KNDC1: variants seen among roughly 807,000 people sequenced by gnomAD.
KNDC1 encodes the protein kinase non-catalytic C-lobe domain-containing protein 1.
In KNDC1, 106 loss-of-function variants were observed where a neutral mutation model predicts 172.8. The ratio of observed to expected loss-of-function variants is 0.61; its 90% CI spans 0.52 to 0.72. KNDC1 has a LOEUF of 0.72. Among genes scored for constraint, KNDC1 ranks in the 30% least tolerant of loss-of-function variants. KNDC1 has a pLI of 0.00. For synonymous variants in KNDC1, 1,083 were observed against 1,062.2 expected, an observed-to-expected ratio of 1.02 and a Z score of -0.38; for missense variants, 2,325 against 2,394.5, an observed-to-expected ratio of 0.97 and a Z score of 0.61.
At chr10:133,219,530 G>A (rs1253994354) in intron 28 of KNDC1, among the ~76,000 whole-genome samples, 2 of 152,226 alleles carry the variant, frequency 1.3e-5, no homozygotes, top group East Asian at 1.9e-4. Context: ...GGGTCTCAGA[G>A]CTCGGCCTCA....
At chr10:133,168,069 C>G (rs533581231) in intron 2 of KNDC1, among the ~76,000 whole-genome samples, 185 bp from the exon 3 acceptor site, 3 of 152,348 alleles carry the variant, frequency 2.0e-5, no homozygotes, top group African/African-American at 7.2e-5. Flanking sequence ...CACTTTGGAA[C>G]CCATTTCCCA....
In KNDC1 at chr10:133,185,948, C is replaced by T. The variant is rs568329450; in HGVS notation, c.626-26C>T. On this transcript the variant is annotated intron_variant, in intron 5 of 29. Transcript: ENST00000304613. ...GGGAGGGGCGGGAGGGGCACCCAGC[C>T]GTGACCACATCTTGCTTGTGCCCAG... 299 of 1,021,022 alleles carry T rather than the reference C, an allele frequency of 2.9e-4. 2 individuals are homozygous for T. The South Asian group carries it at 5.8e-3, about 20-fold the overall frequency. The allele number at this position is 1,021,022 out of a possible 1,614,324, so 63.2% of individuals were successfully genotyped here. A position where few individuals can be genotyped will look rare whatever the true frequency, so the allele number is the denominator to read the frequency against.
chr10:133,188,662 C>G lies in KNDC1; in HGVS notation c.1441+9C>G. ...ACGCCCTGAGCACCCAGGTGACGCA[C>G]GCACCATCCCATCCCCCCCGCCGTC... On this transcript the variant is annotated intron_variant, in intron 7 of 29. Transcript: ENST00000304613. The G allele has an allele frequency of 1.3e-6, 2 of 1,530,940 alleles. No individual in the cohort carries two copies. Among genetic ancestry groups the G allele is most frequent in the Non-Finnish European group, 8.8e-7 (1 of 1,132,214 alleles). 94.8% of individuals were successfully genotyped at this position (1,530,940 alleles called of 1,614,324 possible).
chr10:133,206,519 G>C (rs1247177033), intron 17 of KNDC1, among the ~76,000 whole-genome samples, 166 bp from the exon 18 acceptor site: 2 of 151,750 alleles, frequency 1.3e-5, no homozygotes, highest in Non-Finnish European at 3.0e-5. Flanking sequence ...ACACTGCCCA[G>C]GCCGGGGCTG....
rs779649935 is a variant in KNDC1, at chr10:133,199,459, G to C, written c.2760G>C (p.Gly920=). The change falls in exon 15 of 30, where the codon GGG becomes GGC. Residue 920 remains glycine, a splice_region_variant and synonymous_variant. Coordinates refer to ENST00000304613, the MANE Select transcript of KNDC1 (RefSeq NM_152643.8). Reference sequence around the variant, plus strand: ...GTCTCCATCGTTTTGCAAAACCAGGGGAGTACATCTTCGCCTTGAAAGATC... The same window carrying C: ...GTCTCCATCGTTTTGCAAAACCAGGCGAGTACATCTTCGCCTTGAAAGATC... ...LDNGLEALIM[G]EYIFALKDLT... 6 of 1,613,564 alleles carry C rather than the reference G, an allele frequency of 3.7e-6. No homozygotes were observed. The highest frequency in any genetic ancestry group is 5.1e-6 in the Non-Finnish European group (6 of 1,179,858).
At chr10:133,173,175 C>A (rs572423563) in intron 3 of KNDC1, among the ~76,000 whole-genome samples, 23 of 152,340 alleles carry the variant, frequency 1.5e-4, no homozygotes, top group Middle Eastern at 6.8e-3. Flanking sequence ...TTTGTGCTTT[C>A]TCTTCCCAGT....
In KNDC1 at chr10:133,199,599, C is replaced by T. The variant is rs1225684326; in HGVS notation, c.2900C>T (p.Pro967Leu). 6.2e-7 allele frequency: 1 copy of T among 1,613,164 alleles called. No homozygotes were observed. Among genetic ancestry groups the T allele is most frequent in the East Asian group, 2.2e-5 (1 of 44,872 alleles). The change falls in exon 15 of 30, where the codon CCA becomes CTA. Residue 967 changes from proline to leucine, a missense_variant. Pro to Leu is a moderately conservative substitution (Grantham distance 98). Transcript: ENST00000304613. ...GTCAACGGGCAGGCGTCACCCTCCC[C>T]AAGGTGGGTGCCCAGTTCGGCCCTG... is the stretch of plus-strand genomic sequence containing the variant. ...KVVNGQASPS[P>L]STAEEAGSQL... is the part of the protein sequence containing the mutation.
chr10:133,187,436 C>T (rs190656218), intron 6 of KNDC1, among the ~76,000 whole-genome samples: 9 of 152,384 alleles, frequency 5.9e-5, no homozygotes, highest in Non-Finnish European at 1.3e-4. Flanking sequence ...TGAGCTCCTC[C>T]GGGCAAGGTC....
At position 133,198,903 on chromosome 10, in the gene KNDC1, G is replaced by A. The variant is rs553286379; in HGVS notation, c.2395G>A (p.Ala799Thr). The A allele has an allele frequency of 1.1e-4, 180 of 1,586,242 alleles. 3 individuals carry two copies. In the South Asian group the frequency reaches 1.5e-3, roughly 14 times the overall value. The change falls in exon 14 of 30, where the codon GCT becomes ACT. Residue 799 changes from alanine to threonine, a missense_variant. Ala to Thr is a moderately conservative substitution (Grantham distance 58). Coordinates refer to ENST00000304613, the MANE Select transcript of KNDC1 (RefSeq NM_152643.8). Reference sequence around the variant, plus strand: ...TGCGCTGCCCGTAGAGCAAGGGCCGGCTGAGCCGATCCCACCTGGAGTTGC... The same window carrying A: ...TGCGCTGCCCGTAGAGCAAGGGCCGACTGAGCCGATCCCACCTGGAGTTGC... ...ASALPVEQGP[A>T]EPIPPGVASG...
intron 3 of KNDC1, among the ~76,000 whole-genome samples, chr10:133,181,512 G>A (rs575780521): frequency 3.1e-4 from 47 of 152,360 alleles, no homozygotes; most frequent in African/African-American, 1.0e-3. Flanking sequence ...ACAGCAGGGA[G>A]TCTGTGGGGA....
At chr10:133,171,109 A>G (rs1001016427) in intron 3 of KNDC1, among the ~76,000 whole-genome samples, 4 of 152,226 alleles carry the variant, frequency 2.6e-5, no homozygotes, top group Non-Finnish European at 4.4e-5. Context: ...ATAGTCACTG[A>G]TATTTTCTAC....
intron 5 of KNDC1, among the ~76,000 whole-genome samples, chr10:133,185,389 A>ACAGTGTGGAGTAGGCAGTGTGTG (rs1564883532): frequency 2.2e-4 from 10 of 45,856 alleles, no homozygotes; most frequent in Admixed American, 4.4e-4. Flanking sequence ...GGCAGTGTGT[A>ACAGTGTGGAGTAGGCAGTGTGTG]CAGTGTGGAG....
At chr10:133,196,799 G>A (rs1406868490) in intron 10 of KNDC1, among the ~76,000 whole-genome samples, 1 of 152,214 alleles carries the variant, frequency 6.6e-6, no homozygotes, top group Non-Finnish European at 1.5e-5. Flanking sequence ...CAGGCGACGA[G>A]GCTACCAGGT....
intron 1 of KNDC1, 175 bp from the exon 2 acceptor site, chr10:133,167,206 G>T (rs1227633725): frequency 3.1e-6 from 2 of 637,754 alleles, no homozygotes; most frequent in Non-Finnish European, 5.4e-6. Context: ...TGACGTCCAG[G>T]GAACAGCAGG....
chr10:133,181,441 C>T (rs1003965818), intron 3 of KNDC1, among the ~76,000 whole-genome samples: 1 of 152,176 alleles, frequency 6.6e-6, no homozygotes, highest in Non-Finnish European at 1.5e-5. Context: ...TGGCTGGGGC[C>T]GGTGCCAGGC....
chr10:133,192,621 GA>G (rs1246987286), intron 9 of KNDC1, among the ~76,000 whole-genome samples: 1 of 152,050 alleles, frequency 6.6e-6, no homozygotes. Flanking sequence ...AAAAGAAAAA[GA>G]AAAAGCTAAT....
rs775501702 is a variant in KNDC1, at chr10:133,214,186, C to A, written c.4677+64C>A. 1.8e-5 allele frequency: 29 copies of A among 1,572,848 alleles called. No homozygotes were observed. In the South Asian group the frequency reaches 2.7e-4, roughly 15 times the overall value. ...GGGCCCACCTACGCGGGGGTGGCAG[C>A]GCCTCCTATAAGGCCGTGGCCTGAA... is the stretch of plus-strand genomic sequence containing the variant. On this transcript the variant is annotated intron_variant, in intron 26 of 29. Coordinates refer to ENST00000304613, the MANE Select transcript of KNDC1 (RefSeq NM_152643.8).
chr10:133,175,943 T>G (rs1564877537), intron 3 of KNDC1, among the ~76,000 whole-genome samples: 1 of 145,570 alleles, frequency 6.9e-6, no homozygotes, highest in Non-Finnish European at 1.5e-5. Context: ...GATGGATGGG[T>G]GGGTGAATGG....
Position 133,207,305 on chromosome 10 carries a change from C to G in KNDC1, c.3748C>G (p.Leu1250Val), listed in dbSNP as rs770303866. The G allele has an allele frequency of 6.2e-7, 1 of 1,612,954 alleles. No individual in the cohort carries two copies. Among genetic ancestry groups the G allele is most frequent in the South Asian group, 1.1e-5 (1 of 91,076 alleles). The change falls in exon 20 of 30, where the codon CTG becomes GTG. Residue 1250 changes from leucine to valine, a missense_variant. By Grantham distance (32) the Leu-to-Val change is conservative. Coordinates refer to ENST00000304613, the MANE Select transcript of KNDC1 (RefSeq NM_152643.8). ...HPGGRQKARI[L>V]QAGTPLGLMA... ...GGGCGGCCGGCAGAAGGCCCGCATC[C>G]TGCAGGCCGGCACGCCGCTGGGGCT...
Sources: gnomAD v4.1 joint callset for allele counts (sites outside exome capture counted in the v4.1 genomes callset) on GRCh38, gnomAD v4.1.1 for gene constraint, MANE v1.5 for transcripts, NCBI Gene and HGNC (gene_info 2026-07-23, HGNC 2026-07-21) for gene names.